Variants in FIGN observed in about 807,000 individuals in gnomAD.
FIGN encodes fidgetin, microtubule severing factor, also known as fidgetin.
FIGN carries 11 observed loss-of-function variants against 51.3 expected under a neutral mutation model. The ratio of observed to expected loss-of-function variants is 0.21; its 90% CI spans 0.13 to 0.35. The LOEUF (loss-of-function observed/expected upper bound fraction) is 0.35, where lower values mean the gene tolerates loss of function less well. FIGN is among the 10% of genes least tolerant of loss of function. FIGN has a pLI of 1.00. For synonymous variants in FIGN, 407 were observed against 363.2 expected, an observed-to-expected ratio of 1.12 and a Z score of -1.37; for missense variants, 857 against 943.6, an observed-to-expected ratio of 0.91 and a Z score of 1.20.
At chr2:163,653,324 A>C (rs531886569) in intron 2 of FIGN, among the ~76,000 whole-genome samples, 2 of 152,202 alleles carry the variant, frequency 1.3e-5, no homozygotes, top group Admixed American at 1.3e-4. Flanking sequence ...CATTCACTCT[A>C]GTTCTTGAGT....
intron 2 of FIGN, among the ~76,000 whole-genome samples, chr2:163,680,847 C>G (rs1684051535): frequency 1.3e-5 from 2 of 151,786 alleles, no homozygotes; most frequent in South Asian, 4.2e-4. Flanking sequence ...TCTGAGCTCC[C>G]TAACAGAAAG....
chr2:163,631,281 T>C (rs1465428156), intron 2 of FIGN, among the ~76,000 whole-genome samples: 1 of 152,228 alleles, frequency 6.6e-6, no homozygotes, highest in Non-Finnish European at 1.5e-5. Context: ...TATCATGTGA[T>C]ACATAACGTA....
chr2:163,627,723 T>TA (rs1156917157), intron 2 of FIGN, among the ~76,000 whole-genome samples: 1 of 152,068 alleles, frequency 6.6e-6, no homozygotes, highest in Non-Finnish European at 1.5e-5. Flanking sequence ...ATTCCTGAAC[T>TA]AAAAAAGATT....
At chr2:163,669,824 T>A (rs1573939552) in intron 2 of FIGN, among the ~76,000 whole-genome samples, 1 of 152,200 alleles carries the variant, frequency 6.6e-6, no homozygotes, top group Non-Finnish European at 1.5e-5. Context: ...AAATTCTTTA[T>A]TCTCTTCTAA....
chr2:163,716,628 A>T (rs1016053658), intron 2 of FIGN, among the ~76,000 whole-genome samples: 2 of 152,176 alleles, frequency 1.3e-5, no homozygotes, highest in Non-Finnish European at 2.9e-5. Context: ...CATTTCTAAG[A>T]TTTCTTTTGT....
At chr2:163,635,982 T>C (rs959098687) in intron 2 of FIGN, among the ~76,000 whole-genome samples, 5 of 152,246 alleles carry the variant, frequency 3.3e-5, no homozygotes, top group Admixed American at 1.3e-4. Context: ...AGTTTATTTT[T>C]GTTTCACCAT....
intron 2 of FIGN, among the ~76,000 whole-genome samples, chr2:163,716,665 G>T (rs1684672751): frequency 6.6e-6 from 1 of 152,088 alleles, no homozygotes; most frequent in South Asian, 2.1e-4. Flanking sequence ...AGTAAAATAA[G>T]TGTATAATTT....
chr2:163,718,409 T>G (rs1037250863), intron 2 of FIGN, among the ~76,000 whole-genome samples: 1 of 152,208 alleles, frequency 6.6e-6, no homozygotes, highest in African/African-American at 2.4e-5. Flanking sequence ...GTGTCAGGAT[T>G]ACAGATATAA....
At chr2:163,634,530 A>G (rs1385033353) in intron 2 of FIGN, among the ~76,000 whole-genome samples, 3 of 152,086 alleles carry the variant, frequency 2.0e-5, no homozygotes, top group African/African-American at 7.2e-5. Flanking sequence ...TCATTATACT[A>G]TGAGGTCCCT....
intron 2 of FIGN, among the ~76,000 whole-genome samples, chr2:163,672,379 C>G (rs1683891266): frequency 6.6e-6 from 1 of 151,948 alleles, no homozygotes. Context: ...AGCTAGGAGA[C>G]TAAAGGATGA....
intron 2 of FIGN, among the ~76,000 whole-genome samples, chr2:163,635,087 A>T (rs1422885195): frequency 1.3e-5 from 2 of 152,228 alleles, no homozygotes; most frequent in Non-Finnish European, 2.9e-5. Context: ...GATATTTGCT[A>T]TTAATACCTA....
chr2:163,606,961 T>C lies in FIGN; in HGVS notation c.*2591A>G, dbSNP rs1288805200. On this transcript the variant is annotated 3_prime_UTR_variant, in exon 3 of 3. Coordinates refer to ENST00000333129, the MANE Select transcript of FIGN (RefSeq NM_018086.4). ...GCCAAGATGTATGACTTCAATTTAT[T>C]TTCAGTTTTATAAATGAGTGTAAAA... is the stretch of plus-strand genomic sequence containing the variant. 6.6e-6 allele frequency: 1 copy of C among 152,192 alleles called. No individual in the cohort carries two copies. The highest frequency in any genetic ancestry group is 1.5e-5 in the Non-Finnish European group (1 of 68,042). The allele number at this position is 152,192 out of a possible 1,614,324, so 9.4% of individuals were successfully genotyped here. A position where few individuals can be genotyped will look rare whatever the true frequency, so the allele number is the denominator to read the frequency against.
rs901678760 is a variant in FIGN, at chr2:163,602,830, G to A, written c.*6722C>T. On this transcript the variant is annotated 3_prime_UTR_variant, in exon 3 of 3. Coordinates refer to ENST00000333129, the MANE Select transcript of FIGN (RefSeq NM_018086.4). ...TGTGGTAGCAAGTATTTATGAAAAG[G>A]AATATTCAGTAGGGACAGTTGTTAC... 7.2e-5 allele frequency: 11 copies of A among 151,778 alleles called. No individual in the cohort carries two copies. Among genetic ancestry groups the A allele is most frequent in the Admixed American group, 1.3e-4 (2 of 15,194 alleles). The allele number at this position is 151,778 out of a possible 1,614,324, so 9.4% of individuals were successfully genotyped here.
rs76200919 is a variant in FIGN, at chr2:163,626,179, A to G, written c.26-14373T>C. ...TTTGGAATGCACTTCTTTGAATTAC[A>G]AAGTAGAGAAGAAACCAAACTCATT... On this transcript the variant is annotated intron_variant, in intron 2 of 2. Coordinates refer to ENST00000333129, the MANE Select transcript of FIGN (RefSeq NM_018086.4). 2.3e-3 allele frequency among the ~76,000 whole-genome samples: 351 copies of G among 152,286 alleles called. 8 individuals carry two copies. In the East Asian group the frequency reaches 0.04, roughly 17 times the overall value.
chr2:163,647,549 C>A (rs992773705), intron 2 of FIGN, among the ~76,000 whole-genome samples: 3 of 147,324 alleles, frequency 2.0e-5, no homozygotes, highest in Admixed American at 2.0e-4. Flanking sequence ...GAGACTCCAG[C>A]AGGTCTACCA....
At chr2:163,637,337 A>G (rs1333468481) in intron 2 of FIGN, among the ~76,000 whole-genome samples, 1 of 152,234 alleles carries the variant, frequency 6.6e-6, no homozygotes, top group African/African-American at 2.4e-5. Flanking sequence ...GGGGTTTAAA[A>G]AAATCTTCCC....
intron 2 of FIGN, among the ~76,000 whole-genome samples, chr2:163,698,717 C>A (rs566427414): frequency 1.3e-5 from 2 of 152,074 alleles, no homozygotes; most frequent in African/African-American, 2.4e-5. Context: ...TTAAGCACAA[C>A]GCAAACTATT....
chr2:163,625,643 A>C (rs1186655157), intron 2 of FIGN, among the ~76,000 whole-genome samples: 1 of 152,092 alleles, frequency 6.6e-6, no homozygotes, highest in Non-Finnish European at 1.5e-5. Context: ...TATATTATCT[A>C]TAAATGTATG....
chr2:163,638,047 G>C (rs576513939), intron 2 of FIGN, among the ~76,000 whole-genome samples: 2 of 152,126 alleles, frequency 1.3e-5, no homozygotes, highest in East Asian at 1.9e-4. Context: ...CCAGGGGTTT[G>C]CTCTTTTAAG....
Sources: gnomAD v4.1 joint callset for allele counts (sites outside exome capture counted in the v4.1 genomes callset) on GRCh38, gnomAD v4.1.1 for gene constraint, MANE v1.5 for transcripts, NCBI Gene and HGNC (gene_info 2026-07-23, HGNC 2026-07-21) for gene names.